Variants in SDK1 observed in about 807,000 individuals in gnomAD.
The protein encoded by SDK1 is protein sidekick-1.
In SDK1, 157 loss-of-function variants were observed where a neutral mutation model predicts 245.5. The ratio of observed to expected loss-of-function variants is 0.64; its 90% CI spans 0.56 to 0.73. The LOEUF is 0.73. SDK1 is among the 30% of genes least tolerant of loss of function. The probability of loss-of-function intolerance (pLI) is 0.00; values close to 1 mark genes in which losing one functional copy is unlikely to be tolerated. For synonymous variants in SDK1, 1,647 were observed against 1,278.5 expected, an observed-to-expected ratio of 1.29 and a Z score of -6.15; for missense variants, 3,583 against 3,002.3, an observed-to-expected ratio of 1.19 and a Z score of -4.52.
intron 8 of SDK1, among the ~76,000 whole-genome samples, chr7:3,961,029 A>T (rs1012359354): frequency 6.6e-6 from 1 of 152,106 alleles, no homozygotes; most frequent in African/African-American, 2.4e-5. Flanking sequence ...ACAATCTTAA[A>T]CTCCCTTTGA....
chr7:3,533,161 TGTG>T (rs2128618434), intron 1 of SDK1, among the ~76,000 whole-genome samples: 1 of 152,336 alleles, frequency 6.6e-6, no homozygotes, highest in East Asian at 1.9e-4. Context: ...CTTGAGTGCA[TGTG>T]GTGTGTAACA....
intron 10 of SDK1, 54 bp from the exon 11 acceptor site, chr7:3,969,203 A>G: frequency 6.9e-7 from 1 of 1,448,214 alleles, no homozygotes; most frequent in African/African-American, 1.4e-5. Context: ...CACTATCTTC[A>G]TTTCCTTCAA....
chr7:4,008,497 G>C (rs888691673), intron 14 of SDK1, among the ~76,000 whole-genome samples: 1 of 152,228 alleles, frequency 6.6e-6, no homozygotes, highest in Non-Finnish European at 1.5e-5. Flanking sequence ...CCATTGGCCG[G>C]GGTCGGGTCA....
intron 22 of SDK1, among the ~76,000 whole-genome samples, chr7:4,090,693 T>A (rs541936529): frequency 6.6e-6 from 1 of 152,304 alleles, no homozygotes; most frequent in South Asian, 2.1e-4. Flanking sequence ...AACCTTGGGT[T>A]AGTGCAGTGG....
intron 25 of SDK1, among the ~76,000 whole-genome samples, chr7:4,123,140 G>A (rs1784175766): frequency 6.6e-6 from 1 of 152,070 alleles, no homozygotes; most frequent in Non-Finnish European, 1.5e-5. Context: ...GGGAGAATTG[G>A]GCACTCACAG....
chr7:3,971,545 A>G lies in SDK1; in HGVS notation c.1794A>G (p.Thr598=), dbSNP rs751641377. 6.2e-6 allele frequency: 10 copies of G among 1,613,120 alleles called. No individual in the cohort carries two copies. The highest frequency in any genetic ancestry group is 8.5e-6 in the Non-Finnish European group (10 of 1,179,468). ...CGGCCACGCTGCACTGTGGTGCCAC[A>G]CATGACCCCCGGGTTTCACTCCGGT... ...GTTATLHCGA[T]HDPRVSLRYV... Residue 598 remains threonine (T), a synonymous_variant, in exon 12 of 45, where the codon ACA becomes ACG. Transcript: ENST00000404826.
intron 5 of SDK1, among the ~76,000 whole-genome samples, chr7:3,900,291 T>C (rs183413662): frequency 6.6e-6 from 1 of 152,344 alleles, no homozygotes. Flanking sequence ...TTAACACGCG[T>C]AATTGAACAG....
intron 4 of SDK1, among the ~76,000 whole-genome samples, chr7:3,759,684 C>T (rs1202506920): frequency 1.3e-5 from 2 of 151,858 alleles, no homozygotes; most frequent in Non-Finnish European, 1.5e-5. Context: ...CTCCACCTCC[C>T]GGGTTCAGGC....
intron 17 of SDK1, among the ~76,000 whole-genome samples, chr7:4,034,272 G>A (rs1042505587): frequency 2.0e-5 from 3 of 152,196 alleles, no homozygotes; most frequent in African/African-American, 7.2e-5. Context: ...CCTAAATGCA[G>A]CATACGATCA....
At chr7:4,030,829 C>T (rs1424721359) in intron 17 of SDK1, among the ~76,000 whole-genome samples, 3 of 152,272 alleles carry the variant, frequency 2.0e-5, no homozygotes, top group East Asian at 1.9e-4. Flanking sequence ...CTGTCTCCTC[C>T]GTAGGGCCTC....
At position 3,578,721 on chromosome 7, in the gene SDK1, C is replaced by T. The variant is rs545237137; in HGVS notation, c.299-40359C>T. Among the ~76,000 whole-genome samples, 11 of 151,992 alleles carry T rather than the reference C, an allele frequency of 7.2e-5. No homozygotes were observed. The South Asian group carries it at 1.7e-3, about 23-fold the overall frequency. On this transcript the variant is annotated intron_variant, in intron 1 of 44. Coordinates refer to ENST00000404826, the MANE Select transcript of SDK1 (RefSeq NM_152744.4). ...GCTTGCACATCCGTTTATAGGCTCT[C>T]TGCAGGAAGACAAATACGGCTCTTT...
In SDK1 at chr7:3,642,014, G is replaced by T. The variant is rs761049885; in HGVS notation, c.622G>T (p.Ala208Ser). Reference sequence around the variant, plus strand: ...GAAAACAGTTTCTCAAGGACGTGCAGCGATTCTAAACCTGCTGCCCATCAC... The same window carrying T: ...GAAAACAGTTTCTCAAGGACGTGCATCGATTCTAAACCTGCTGCCCATCAC... ...QRKTVSQGRA[A>S]ILNLLPITSY... Residue 208 changes from alanine (A) to serine (S), a missense_variant, in exon 4 of 45, where the codon GCG becomes TCG. Physicochemically the swap from Ala to Ser is moderately conservative, Grantham distance 99 (BLOSUM62 1). Transcript: ENST00000404826. The T allele has an allele frequency of 6.2e-7, 1 of 1,614,058 alleles. No homozygotes were observed. Among genetic ancestry groups the T allele is most frequent in the Non-Finnish European group, 8.5e-7 (1 of 1,179,884 alleles).
intron 35 of SDK1, among the ~76,000 whole-genome samples, chr7:4,191,428 T>C (rs1478819021): frequency 6.6e-6 from 1 of 152,242 alleles, no homozygotes; most frequent in Admixed American, 6.5e-5. Context: ...TGCCCGCTGC[T>C]GCATTTGGAA....
At position 3,679,767 on chromosome 7, in the gene SDK1, A is replaced by G. The variant is rs112981098; in HGVS notation, c.713+37662A>G. Among the ~76,000 whole-genome samples, 4 of 152,324 alleles carry G rather than the reference A, an allele frequency of 2.6e-5. 1 individual carries two copies. Among genetic ancestry groups the G allele is most frequent in the African/African-American group, 9.6e-5 (4 of 41,564 alleles). On this transcript the variant is annotated intron_variant, in intron 4 of 44. Transcript: ENST00000404826. Reference sequence around the variant, plus strand: ...CAGTAACAACATCAAATACGTCGAGATGTAAAGAAATGGGATCAGTCCTGT... The same window carrying G: ...CAGTAACAACATCAAATACGTCGAGGTGTAAAGAAATGGGATCAGTCCTGT...
At chr7:4,260,280 G>A (rs1415552322) in intron 44 of SDK1, among the ~76,000 whole-genome samples, 1 of 142,492 alleles carries the variant, frequency 7.0e-6, no homozygotes, top group East Asian at 2.1e-4. Context: ...CAGGGCCTCG[G>A]TGTGTGTGGG....
At chr7:3,384,141 A>G (rs992146279) in intron 1 of SDK1, among the ~76,000 whole-genome samples, 1 of 152,172 alleles carries the variant, frequency 6.6e-6, no homozygotes, top group Non-Finnish European at 1.5e-5. Flanking sequence ...TTTTACAGCT[A>G]TTCATGGAAG....
At chr7:3,576,086 G>A (rs1216998938) in intron 1 of SDK1, among the ~76,000 whole-genome samples, 1 of 152,090 alleles carries the variant, frequency 6.6e-6, no homozygotes, top group Non-Finnish European at 1.5e-5. Flanking sequence ...TTACATTTCA[G>A]ATCCAGTTTC....
chr7:3,772,894 C>G (rs1780443732), intron 4 of SDK1, among the ~76,000 whole-genome samples: 1 of 152,120 alleles, frequency 6.6e-6, no homozygotes, highest in South Asian at 2.1e-4. Flanking sequence ...TTTCTGATAA[C>G]AAATCTGCTG....
intron 1 of SDK1, among the ~76,000 whole-genome samples, chr7:3,454,509 C>T (rs1234768141): frequency 1.3e-5 from 2 of 151,310 alleles, no homozygotes; most frequent in Non-Finnish European, 1.5e-5. Flanking sequence ...TGCATTACTG[C>T]AAGAGTCCCT....
Sources: allele counts gnomAD v4.1 joint callset (sites outside exome capture counted in the v4.1 genomes callset), GRCh38; gene constraint gnomAD v4.1.1; transcripts MANE v1.5; gene names NCBI Gene and HGNC (gene_info 2026-07-23, HGNC 2026-07-21).